Variants in TRPV1 observed in about 807,000 individuals in gnomAD.
TRPV1 encodes OTRPC1.
Under a neutral mutation model 82.3 loss-of-function variants are expected in TRPV1, and 82 were observed. The ratio of observed to expected loss-of-function variants is 1.00; its 90% CI spans 0.83 to 1.20. The LOEUF (loss-of-function observed/expected upper bound fraction) is 1.20, where lower values mean the gene tolerates loss of function less well. Ranked by LOEUF, TRPV1 falls within the 50% of genes most tolerant of loss-of-function variation. TRPV1 has a pLI of 0.00. For synonymous variants in TRPV1, 515 were observed against 467.7 expected, an observed-to-expected ratio of 1.10 and a Z score of -1.30; for missense variants, 1,067 against 1,096.8, an observed-to-expected ratio of 0.97 and a Z score of 0.38.
chr17:3,576,668 A>AAAAATATAT, intron 13 of TRPV1, among the ~76,000 whole-genome samples: 13 of 38,420 alleles, frequency 3.4e-4, no homozygotes, highest in Non-Finnish European at 5.3e-4. Flanking sequence ...AAAAAAAAAA[A>AAAAATATAT]ATATATATAT....
intron 12 of TRPV1, 132 bp downstream of exon 12, chr17:3,577,466 A>C: frequency 8.0e-7 from 1 of 1,243,690 alleles, no homozygotes; most frequent in Non-Finnish European, 1.1e-6. Context: ...TGATTCTTGG[A>C]AAATAGGCTG....
intron 15 of TRPV1, 66 bp downstream of exon 15, chr17:3,572,056 G>T: frequency 6.4e-7 from 1 of 1,574,446 alleles, no homozygotes; most frequent in Non-Finnish European, 8.7e-7. Context: ...CCCTGAGGCA[G>T]GCTCTGTGTC....
chr17:3,573,533 C>CCCCA lies in TRPV1; in HGVS notation c.2103+99_2103+100insTGGG. 9 of 8,670 alleles carry CCCCA rather than the reference C, an allele frequency of 1.0e-3. 4 individuals carry two copies. Among genetic ancestry groups the CCCCA allele is most frequent in the Non-Finnish European group, 2.8e-3 (7 of 2,470 alleles). The allele number at this position is 8,670 out of a possible 1,614,324, so 0.5% of individuals were successfully genotyped here. A position where few individuals can be genotyped will look rare whatever the true frequency, so the allele number is the denominator to read the frequency against. Reference sequence around the variant, plus strand: ...CCCATACCCTCCTGGCCACACACCGCCCCCACCACCCACCCACCTGCAGCC... The same window carrying CCCCA: ...CCCATACCCTCCTGGCCACACACCGCCCCACCCCACCACCCACCCACCTGCAGCC... On this transcript the variant is annotated intron_variant, in intron 14 of 16. Transcript: ENST00000572705.
At position 3,566,622 on chromosome 17, in the gene TRPV1, C is replaced by T. The variant is rs894628628; in HGVS notation, c.*193G>A. ...TAGGAGATTCACTTGGGGACAGTGA[C>T]GGTTGGATGTACATCACTCCCCATG... On this transcript the variant is annotated 3_prime_UTR_variant, in exon 17 of 17. Coordinates refer to ENST00000572705, the MANE Select transcript of TRPV1 (RefSeq NM_080704.4). The T allele has an allele frequency of 3.5e-5, 20 of 579,174 alleles. No individual in the cohort carries two copies. The highest frequency in any genetic ancestry group is 5.8e-5 in the East Asian group (2 of 34,282). 35.9% of individuals were successfully genotyped at this position (579,174 alleles called of 1,614,324 possible).
At chr17:3,583,602 G>A (rs1215208192) in intron 9 of TRPV1, among the ~76,000 whole-genome samples, 172 bp from the exon 10 acceptor site, 2 of 152,262 alleles carry the variant, frequency 1.3e-5, no homozygotes, top group African/African-American at 4.8e-5. Context: ...GCCCCTCTGT[G>A]GGCCTGATTC....
At chr17:3,600,303 C>T (rs911250847) in intron 2 of TRPV1, among the ~76,000 whole-genome samples, 9 of 152,104 alleles carry the variant, frequency 5.9e-5, no homozygotes, top group Admixed American at 1.3e-4. Context: ...AAAGACAGCA[C>T]GGAGCCGGGC....
At chr17:3,567,729 C>T (rs2074787724) in intron 16 of TRPV1, among the ~76,000 whole-genome samples, 1 of 150,786 alleles carries the variant, frequency 6.6e-6, no homozygotes, top group Non-Finnish European at 1.5e-5. Flanking sequence ...ATCTGGGGTC[C>T]AGGCCCACTG....
chr17:3,587,853 GA>G (rs34330693), intron 8 of TRPV1, among the ~76,000 whole-genome samples: 73,508 of 144,604 alleles, frequency 0.51, 20,077 homozygotes, highest in Non-Finnish European at 0.64. Flanking sequence ...GCCATCAAGT[GA>G]AAAAAAAAAA....
At chr17:3,582,304 A>G (rs973640006) in intron 10 of TRPV1, among the ~76,000 whole-genome samples, 3 of 149,012 alleles carry the variant, frequency 2.0e-5, no homozygotes, top group Non-Finnish European at 4.5e-5. Context: ...CCCAGGAGAC[A>G]GAGGTTGAAG....
At chr17:3,606,756 C>T (rs1410179641) in intron 2 of TRPV1, among the ~76,000 whole-genome samples, 2 of 152,138 alleles carry the variant, frequency 1.3e-5, no homozygotes, top group Non-Finnish European at 2.9e-5. Context: ...AAGGCTCAGT[C>T]CTCAGAGGCA....
intron 10 of TRPV1, among the ~76,000 whole-genome samples, chr17:3,582,156 C>G (rs1383083581): frequency 3.0e-5 from 4 of 135,246 alleles, no homozygotes; most frequent in Non-Finnish European, 6.2e-5. Context: ...TGCCACTGCA[C>G]TCCAGCCTGG....
intron 2 of TRPV1, among the ~76,000 whole-genome samples, chr17:3,600,168 T>C (rs903603869): frequency 6.6e-6 from 1 of 152,198 alleles, no homozygotes; most frequent in Non-Finnish European, 1.5e-5. Flanking sequence ...ACCTCTCAAC[T>C]TTCTAGTCCT....
rs188668713 is a variant in TRPV1, at chr17:3,606,106, C to A, written c.-34+2321G>T. ...CCCAAGTAGCTGAGATTACAGGTGC[C>A]GACCACCATGCCCGGCTAATTTTTT... is the stretch of plus-strand genomic sequence containing the variant. On this transcript the variant is annotated intron_variant, in intron 2 of 16. Coordinates refer to ENST00000572705, the MANE Select transcript of TRPV1 (RefSeq NM_080704.4). 3.0e-3 allele frequency among the ~76,000 whole-genome samples: 459 copies of A among 152,196 alleles called. 5 individuals are homozygous for A. Among genetic ancestry groups the A allele is most frequent in the Non-Finnish European group, 3.9e-3 (268 of 67,996 alleles).
chr17:3,606,045 GC>G (rs1389605756), intron 2 of TRPV1, among the ~76,000 whole-genome samples: 1 of 152,086 alleles, frequency 6.6e-6, no homozygotes, highest in Non-Finnish European at 1.5e-5. Context: ...TGCAACCTCC[GC>G]CTTCCAGGCT....
chr17:3,587,300 G>A (rs889402769), intron 8 of TRPV1, among the ~76,000 whole-genome samples: 4 of 152,140 alleles, frequency 2.6e-5, no homozygotes, highest in East Asian at 1.9e-4. Flanking sequence ...TCCTGTAAAC[G>A]CAACCTCTGA....
In TRPV1 at chr17:3,591,961, AG is replaced by A. The variant is rs1438847662; in HGVS notation, c.284+105del. On this transcript the variant is annotated intron_variant, in intron 3 of 16. Transcript: ENST00000572705. ...GACCAGACCACCCCTAAGGCTCTCC[AG>A]CCCCCTGGCTTTGTGACATTTAGCC... 1.2e-5 allele frequency: 18 copies of A among 1,455,902 alleles called. No homozygotes were observed. The East Asian group carries it at 4.3e-4, about 35-fold the overall frequency. The allele number at this position is 1,455,902 out of a possible 1,614,324, so 90.2% of individuals were successfully genotyped here.
chr17:3,578,599 A>C (rs1020991874), intron 11 of TRPV1: 8 of 152,230 alleles, frequency 5.3e-5, no homozygotes, highest in Admixed American at 1.3e-4. Flanking sequence ...TTAGGCAGGT[A>C]AATCAGTGTG....
chr17:3,571,180 G>A (rs879549016), intron 16 of TRPV1, among the ~76,000 whole-genome samples: 12 of 152,236 alleles, frequency 7.9e-5, no homozygotes, highest in Non-Finnish European at 1.3e-4. Context: ...GCAGAGTGAG[G>A]AACAGGGCTG....
intron 10 of TRPV1, among the ~76,000 whole-genome samples, chr17:3,581,918 C>A (rs1331540108): frequency 7.0e-6 from 1 of 143,190 alleles, no homozygotes; most frequent in Non-Finnish European, 1.5e-5. Flanking sequence ...GGGCCAGGCA[C>A]AGTGGCTCAC....
Sources: gnomAD v4.1 joint callset for allele counts (sites outside exome capture counted in the v4.1 genomes callset) on GRCh38, gnomAD v4.1.1 for gene constraint, MANE v1.5 for transcripts, NCBI Gene and HGNC (gene_info 2026-07-23, HGNC 2026-07-21) for gene names.